CACNA1A: variants seen among roughly 807,000 people sequenced by gnomAD.
CACNA1A encodes the protein calcium voltage-gated channel subunit alpha1 A, also known as voltage-dependent P/Q-type calcium channel subunit alpha-1A.
A neutral mutation model predicts 262.4 loss-of-function variants in CACNA1A; 57 were observed. The observed-to-expected ratio is 0.22, with a 90% CI of 0.18 to 0.27. The LOEUF is 0.27. Ranked by LOEUF, CACNA1A falls within the 10% of genes least tolerant of loss-of-function variation. The pLI is 1.00. For synonymous variants in CACNA1A, 1,431 were observed against 1,419.3 expected, an observed-to-expected ratio of 1.01 and a Z score of -0.18; for missense variants, 2,526 against 3,562.8, an observed-to-expected ratio of 0.71 and a Z score of 7.41.
chr19:13,440,347 G>T (rs540061953), intron 3 of CACNA1A, among the ~76,000 whole-genome samples: 2 of 152,266 alleles, frequency 1.3e-5, no homozygotes, highest in African/African-American at 2.4e-5. Flanking sequence ...TAGTGAGGGT[G>T]GGATCCCATA....
intron 1 of CACNA1A, among the ~76,000 whole-genome samples, chr19:13,464,002 A>G (rs928310726): frequency 6.6e-6 from 1 of 152,222 alleles, no homozygotes; most frequent in African/African-American, 2.4e-5. Context: ...GAGCTGATAC[A>G]CACAATAATC....
intron 12 of CACNA1A, among the ~76,000 whole-genome samples, chr19:13,310,454 CAAAAAAAAAAAAAAAA>C (rs869052278): frequency 1.5e-4 from 4 of 25,900 alleles, no homozygotes; most frequent in African/African-American, 9.0e-4. Context: ...GACTCTGTCT[CAAAAAAAAAAAAAAAA>C]AAAAAAAAAA....
At chr19:13,505,705 C>A (rs1982944898) in intron 1 of CACNA1A, among the ~76,000 whole-genome samples, 1 of 151,622 alleles carries the variant, frequency 6.6e-6, no homozygotes, top group South Asian at 2.1e-4. Context: ...GCTGCCCACC[C>A]CCCAGCCCCC....
At chr19:13,287,006 T>C in intron 19 of CACNA1A, 40 bp from the exon 20 acceptor site, 1 of 1,467,018 alleles carries the variant, frequency 6.8e-7, no homozygotes, top group Non-Finnish European at 9.3e-7. Context: ...CAACAACTGA[T>C]TTAGGATAAA....
At chr19:13,373,428 C>G (rs1200233213) in intron 3 of CACNA1A, among the ~76,000 whole-genome samples, 2 of 152,160 alleles carry the variant, frequency 1.3e-5, no homozygotes, top group East Asian at 3.9e-4. Flanking sequence ...TGGGGCAGGC[C>G]CAGGGAATGA....
chr19:13,461,997 C>G (rs2061132761), intron 1 of CACNA1A, among the ~76,000 whole-genome samples: 1 of 152,188 alleles, frequency 6.6e-6, no homozygotes, highest in Non-Finnish European at 1.5e-5. Context: ...GTATGTGACC[C>G]TGGAAAAGAC....
At chr19:13,415,654 T>C (rs1313221561) in intron 3 of CACNA1A, among the ~76,000 whole-genome samples, 1 of 147,946 alleles carries the variant, frequency 6.8e-6, no homozygotes. Context: ...GGCAGAGAAT[T>C]GCTTGAACCT....
chr19:13,209,356 CGGTGG>C lies in CACNA1A; in HGVS notation c.6477_6481del (p.Ser2159ArgfsTer4), dbSNP rs2054715733. On this transcript the variant is annotated frameshift_variant, in exon 45 of 47. Transcript: ENST00000360228. LOFTEE classifies it high-confidence loss of function. ...GCGGCCCAGGGAGCGCTCAGAGGCGCGGTGGCTGCGGTCGCGGCGCCGCTGGTGGT... is the reference window on the plus strand; with the variant it reads ...GCGGCCCAGGGAGCGCTCAGAGGCGCCTGCGGTCGCGGCGCCGCTGGTGGT... The C allele has an allele frequency of 7.2e-7, 1 of 1,385,252 alleles. No individual in the cohort carries two copies. Among genetic ancestry groups the C allele is most frequent in the African/African-American group, 1.5e-5 (1 of 66,994 alleles). 85.8% of individuals were successfully genotyped at this position (1,385,252 alleles called of 1,614,324 possible). A position where few individuals can be genotyped will look rare whatever the true frequency, so the allele number is the denominator to read the frequency against.
At chr19:13,210,161 A>T (rs2054751948) in intron 44 of CACNA1A, among the ~76,000 whole-genome samples, 1 of 152,130 alleles carries the variant, frequency 6.6e-6, no homozygotes, top group Admixed American at 6.5e-5. Context: ...AAGCCCTGAC[A>T]CACAGGTTTC....
At chr19:13,261,672 A>T in intron 25 of CACNA1A, 62 bp from the exon 26 acceptor site, 1 of 1,519,762 alleles carries the variant, frequency 6.6e-7, no homozygotes, top group Non-Finnish European at 9.0e-7. Flanking sequence ...TTCTGCCTCC[A>T]GTGGCCCATC....
intron 3 of CACNA1A, among the ~76,000 whole-genome samples, chr19:13,394,115 G>C (rs981914158): frequency 1.3e-5 from 2 of 152,098 alleles, no homozygotes; most frequent in African/African-American, 4.8e-5. Context: ...TGCTTGCTGT[G>C]GGCCAAGTCT....
intron 1 of CACNA1A, among the ~76,000 whole-genome samples, chr19:13,458,204 G>A (rs2061050928): frequency 6.6e-6 from 1 of 152,012 alleles, no homozygotes; most frequent in African/African-American, 2.4e-5. Context: ...CTGTCACCCA[G>A]GCTGGAGTGC....
intron 1 of CACNA1A, among the ~76,000 whole-genome samples, chr19:13,456,037 C>T (rs1454740580): frequency 6.6e-6 from 1 of 151,502 alleles, no homozygotes; most frequent in East Asian, 1.9e-4. Flanking sequence ...GTAGTCCCAG[C>T]TACTTGGGAG....
At chr19:13,397,515 G>A (rs2059829279) in intron 3 of CACNA1A, among the ~76,000 whole-genome samples, 1 of 152,202 alleles carries the variant, frequency 6.6e-6, no homozygotes, top group Non-Finnish European at 1.5e-5. Context: ...GATTCTCAGT[G>A]AGGACCCACG....
At chr19:13,377,817 A>C (rs2059444929) in intron 3 of CACNA1A, among the ~76,000 whole-genome samples, 1 of 152,122 alleles carries the variant, frequency 6.6e-6, no homozygotes, top group Non-Finnish European at 1.5e-5. Context: ...AAAAGCATTC[A>C]CCATTCTAGA....
At chr19:13,334,593 TTGTGTGTG>T (rs138143360) in intron 7 of CACNA1A, 100 bp from the exon 8 acceptor site, 10 of 508,104 alleles carry the variant, frequency 2.0e-5, no homozygotes, top group Non-Finnish European at 3.1e-5. Context: ...GTGTGTGTGT[TTGTGTGTG>T]TGTGTGTGTT....
At chr19:13,350,551 A>C (rs1043867388) in intron 6 of CACNA1A, among the ~76,000 whole-genome samples, 2 of 152,220 alleles carry the variant, frequency 1.3e-5, no homozygotes, top group Non-Finnish European at 2.9e-5. Context: ...AGTGACCCCC[A>C]TTACCAACAG....
chr19:13,445,900 C>T (rs56407116), intron 3 of CACNA1A, among the ~76,000 whole-genome samples: 9,738 of 152,144 alleles, frequency 0.064, 481 homozygotes, highest in East Asian at 0.25. Context: ...AGGTAAACAC[C>T]GTGGTGGTCC....
At chr19:13,285,316 C>A in intron 20 of CACNA1A, 110 bp from the exon 21 acceptor site, 1 of 1,216,812 alleles carries the variant, frequency 8.2e-7, no homozygotes, top group South Asian at 1.4e-5. Flanking sequence ...TTCTAAAGTG[C>A]CTGCTGTATA....
Sources: gnomAD v4.1 joint callset for allele counts (sites outside exome capture counted in the v4.1 genomes callset) on GRCh38, gnomAD v4.1.1 for gene constraint, MANE v1.5 for transcripts, NCBI Gene and HGNC (gene_info 2026-07-23, HGNC 2026-07-21) for gene names.